KIF21B: variants seen among roughly 807,000 people sequenced by gnomAD.
KIF21B encodes kinesin family member 21B, also known as kinesin-like protein KIF21B.
Under a neutral mutation model 192.9 loss-of-function variants are expected in KIF21B, and 85 were observed. The ratio of observed to expected loss-of-function variants is 0.44; its 90% CI spans 0.37 to 0.53. The LOEUF is 0.53. Ranked by LOEUF, KIF21B falls within the 20% of genes least tolerant of loss-of-function variation. KIF21B has a pLI of 0.00. For missense variants in KIF21B, 1,716 were observed against 2,194.8 expected (o/e 0.78, Z 4.36); for synonymous variants, 832 against 884.6 (o/e 0.94, Z 1.05).
intron 32 of KIF21B, among the ~76,000 whole-genome samples, chr1:200,976,322 C>T (rs541525327): frequency 5.1e-4 from 77 of 152,284 alleles, no homozygotes; most frequent in African/African-American, 1.7e-3. Context: ...AAACTCCTGA[C>T]CTCAAGTGAT....
chr1:200,990,993 G>T lies in KIF21B; in HGVS notation c.2611C>A (p.Arg871Ser). 6.2e-7 allele frequency: 1 copy of T among 1,614,188 alleles called. No individual in the cohort carries two copies. The highest frequency in any genetic ancestry group is 8.5e-7 in the Non-Finnish European group (1 of 1,180,052). ...SGARSVSSIV[R>S]QWNRKINHFL... ...TGGTTGATTTTGCGGTTCCACTGGCGCACGATGCTGGAGACAGAGCGGGCC... is the reference window on the plus strand; with the variant it reads ...TGGTTGATTTTGCGGTTCCACTGGCTCACGATGCTGGAGACAGAGCGGGCC... The change falls in exon 18 of 35, where the codon CGC becomes AGC. Residue 871 changes from arginine (R) to serine (S), a missense_variant. Around this residue, in one of 3 missense-constraint regions of KIF21B, gnomAD observed 1,087 missense variants for 1,316.6 expected, o/e 0.83. Coordinates refer to ENST00000461742, the MANE Select transcript of KIF21B (RefSeq NM_001252102.2). This position sits in a 1 kb window ranked among gnomAD's most constrained non-coding sequence, Gnocchi z 5.4.
In KIF21B at chr1:200,987,030, G is replaced by A. The variant is rs983748414; in HGVS notation, c.3580C>T (p.Arg1194Cys). 6 of 1,614,044 alleles carry A rather than the reference G, an allele frequency of 3.7e-6. No individual in the cohort carries two copies. Among genetic ancestry groups the A allele is most frequent in the Non-Finnish European group, 3.4e-6 (4 of 1,180,008 alleles). Residue 1194 changes from arginine (R) to cysteine (C), a missense_variant, in exon 25 of 35, where the codon CGC becomes TGC. This residue lies in a region of KIF21B where 580 missense variants were observed against 775.5 expected (regional missense o/e 0.75). Coordinates refer to ENST00000461742, the MANE Select transcript of KIF21B (RefSeq NM_001252102.2). Reference protein sequence around the residue: ...RDPYYRDRVSRTVSLPTRGST... With the variant: ...RDPYYRDRVSCTVSLPTRGST... ...CCCCGGGTAGGCAGACTGACGGTGCGCGAGACCCTGTCCCGGTAATAGGGG... is the reference window on the plus strand; with the variant it reads ...CCCCGGGTAGGCAGACTGACGGTGCACGAGACCCTGTCCCGGTAATAGGGG...
In KIF21B at chr1:200,977,358, G is replaced by C; in HGVS notation, c.4179C>G (p.Ile1393Met). Reference sequence around the variant, plus strand: ...ATGTGGCGGCACAGGCATCCCCTGAGATCACCTGGCCCGAGGACCTGCCCA... The same window carrying C: ...ATGTGGCGGCACAGGCATCCCCTGACATCACCTGGCCCGAGGACCTGCCCA... ...IRTLTSSGQV[I>M]SGDACAATST... The change falls in exon 31 of 35, where the codon ATC (isoleucine) becomes ATG (methionine). Residue 1393 changes from isoleucine to methionine, a missense_variant. This residue lies in a region of KIF21B where 580 missense variants were observed against 775.5 expected (regional missense o/e 0.75). Transcript: ENST00000461742. 1 of 1,614,200 alleles carries C rather than the reference G, an allele frequency of 6.2e-7. No homozygotes were observed. The highest frequency in any genetic ancestry group is 8.5e-7 in the Non-Finnish European group (1 of 1,179,992).
In KIF21B at chr1:200,988,906, G is replaced by A. The variant is rs775071133; in HGVS notation, c.3158C>T (p.Ala1053Val). 6.2e-7 allele frequency: 1 copy of A among 1,611,972 alleles called. No individual in the cohort carries two copies. Among genetic ancestry groups the A allele is most frequent in the Non-Finnish European group, 8.5e-7 (1 of 1,179,166 alleles). Reference protein sequence around the residue: ...DKGLQVAQKEAQIRLLEGRLR... With the variant: ...DKGLQVAQKEVQIRLLEGRLR... ...TCGGCCCTCCAACAGCCGGATCTGGGCTTCCTTTTGTGCCACTTGCAGCCC... is the reference window on the plus strand; with the variant it reads ...TCGGCCCTCCAACAGCCGGATCTGGACTTCCTTTTGTGCCACTTGCAGCCC... Residue 1053 changes from alanine (A) to valine (V), a missense_variant, in exon 22 of 35, where the codon GCC (alanine) becomes GTC (valine). Physicochemically the swap from Ala to Val is moderately conservative, Grantham distance 64. Around this residue, in one of 3 missense-constraint regions of KIF21B, gnomAD observed 49 missense variants for 102.6 expected, o/e 0.48. Coordinates refer to ENST00000461742, the MANE Select transcript of KIF21B (RefSeq NM_001252102.2).
At chr1:201,021,837 G>A (rs1299582491) in intron 1 of KIF21B, among the ~76,000 whole-genome samples, 2 of 152,184 alleles carry the variant, frequency 1.3e-5, no homozygotes, top group Middle Eastern at 3.4e-3. Context: ...TGGTGTTCTC[G>A]GACTCTCCCA....
chr1:200,996,105 G>A, intron 15 of KIF21B, 91 bp downstream of exon 15: 1 of 1,278,116 alleles, frequency 7.8e-7, no homozygotes, highest in East Asian at 2.3e-5. Flanking sequence ...ATCCACACTT[G>A]ACAGCAATGA....
At chr1:201,011,417 AG>A (rs1349630089) in intron 1 of KIF21B, among the ~76,000 whole-genome samples, 11 of 152,264 alleles carry the variant, frequency 7.2e-5, no homozygotes, top group Non-Finnish European at 1.6e-4. Context: ...CCAGAGTCAC[AG>A]GTCACAGACA....
At position 200,973,233 on chromosome 1, in the gene KIF21B, A is replaced by C; in HGVS notation, c.*288T>G. 2 of 360,250 alleles carry C rather than the reference A, an allele frequency of 5.6e-6. No individual in the cohort carries two copies. The highest frequency in any genetic ancestry group is 4.9e-6 in the Non-Finnish European group (1 of 204,036). 22.3% of individuals were successfully genotyped at this position (360,250 alleles called of 1,614,324 possible). On this transcript the variant is annotated 3_prime_UTR_variant, in exon 35 of 35. Coordinates refer to ENST00000461742, the MANE Select transcript of KIF21B (RefSeq NM_001252102.2). ...GGGCAGAGCCGGTTCAGCAGGAGAC[A>C]ATGTGGCCACGACTGCCAGGAGGGG...
In KIF21B at chr1:200,986,927, G is replaced by A. The variant is rs754540494; in HGVS notation, c.3615-9C>T. On this transcript the variant is annotated splice_polypyrimidine_tract_variant and intron_variant, in intron 25 of 34. Transcript: ENST00000461742. ...CTCGAGATTGCCTAGGGCTACAACA[G>A]AAGAGTCCAGTGAGGCCCAGACCCA... 6.2e-7 allele frequency: 1 copy of A among 1,613,570 alleles called. No individual in the cohort carries two copies. The highest frequency in any genetic ancestry group is 2.2e-5 in the East Asian group (1 of 44,866).
chr1:200,999,364 C>T lies in KIF21B; in HGVS notation c.1870G>A (p.Asp624Asn), dbSNP rs1558015501. 6.2e-7 allele frequency: 1 copy of T among 1,614,158 alleles called. No individual in the cohort carries two copies. The highest frequency in any genetic ancestry group is 8.5e-7 in the Non-Finnish European group (1 of 1,180,022). ...GCCCACGCACCCTTCTCCTCGGGGT[C>T]TGAGTCTGAGTCCACCAGGCTCTCT... ...SEESLVDSDSDPEEKEVNFQA... is the reference protein window; with the variant it reads ...SEESLVDSDSNPEEKEVNFQA... Residue 624 changes from aspartate (D) to asparagine (N), a missense_variant, in exon 13 of 35, where the codon GAC becomes AAC. Asp to Asn is a conservative substitution (Grantham distance 23). Transcript: ENST00000461742. The surrounding 1 kb of genome is among the most constrained non-coding windows in gnomAD (Gnocchi z 4.7).
At chr1:201,019,119 G>A (rs1404267381) in intron 1 of KIF21B, among the ~76,000 whole-genome samples, 1 of 152,146 alleles carries the variant, frequency 6.6e-6, no homozygotes, top group African/African-American at 2.4e-5. Context: ...ATTTTTAGTA[G>A]AGATGGAGCT....
At chr1:201,007,487 C>T (rs1442176412) in intron 3 of KIF21B, among the ~76,000 whole-genome samples, 1 of 151,368 alleles carries the variant, frequency 6.6e-6, no homozygotes, top group Non-Finnish European at 1.5e-5. Flanking sequence ...CACATAGACA[C>T]ACACACAGAG....
chr1:200,983,467 C>T (rs1342668844), intron 27 of KIF21B, among the ~76,000 whole-genome samples: 1 of 152,194 alleles, frequency 6.6e-6, no homozygotes, highest in Non-Finnish European at 1.5e-5. Flanking sequence ...CCCACCCCAG[C>T]AATGCTCATA....
intron 1 of KIF21B, among the ~76,000 whole-genome samples, chr1:201,021,425 A>G (rs1658819966): frequency 6.6e-6 from 1 of 152,138 alleles, no homozygotes; most frequent in Admixed American, 6.5e-5. Context: ...CCCAATCCAG[A>G]TCAGCAACTG....
At chr1:200,979,995 G>A (rs1384404282) in intron 29 of KIF21B, among the ~76,000 whole-genome samples, 10 of 152,208 alleles carry the variant, frequency 6.6e-5, no homozygotes, top group Admixed American at 5.9e-4. Context: ...GAGCCATACT[G>A]CTAAGGTGTC....
At chr1:200,993,843 T>C (rs1381319779) in intron 15 of KIF21B, among the ~76,000 whole-genome samples, 1 of 150,896 alleles carries the variant, frequency 6.6e-6, no homozygotes, top group Non-Finnish European at 1.5e-5. Context: ...GGTCAGCTTC[T>C]TTCTGGGAGG....
rs1476058834 is a variant in KIF21B at position 201,002,247 on chromosome 1, T to G, written c.1316A>C (p.Lys439Thr). ...GGCATCGATGGCCTCCTGCATGGCT[T>G]TCACCCGCAGCCGCAGGGCCCCATT... is the stretch of plus-strand genomic sequence containing the variant. ...KENGALRLRV[K>T]AMQEAIDAIN... The change falls in exon 9 of 35, where the codon AAA (lysine) becomes ACA (threonine). Residue 439 changes from lysine (K) to threonine (T), a missense_variant. Physicochemically the swap from Lys to Thr is moderately conservative, Grantham distance 78. Coordinates refer to ENST00000461742, the MANE Select transcript of KIF21B (RefSeq NM_001252102.2). 3.3e-5 allele frequency: 54 copies of G among 1,614,074 alleles called. No homozygotes were observed. The highest frequency in any genetic ancestry group is 4.5e-5 in the Non-Finnish European group (53 of 1,180,034).
At chr1:201,004,702 G>T in intron 6 of KIF21B, 64 bp downstream of exon 6, 1 of 1,590,398 alleles carries the variant, frequency 6.3e-7, no homozygotes, top group Non-Finnish European at 8.6e-7. Flanking sequence ...GGACTGCAGG[G>T]CCTTGGAGGG....
rs1655501853 is a variant in KIF21B, at chr1:200,975,673, T to A, written c.4444-4A>T. The stretch of plus-strand genomic sequence containing the variant: ...CACACTCGCCCAGCTCGAACATCTG[T>A]GGGAGGAGGGGCCAGTAGGGAGAGG... On this transcript the variant is annotated splice_polypyrimidine_tract_variant and splice_region_variant and intron_variant, in intron 32 of 34. Transcript: ENST00000461742. The surrounding 1 kb of genome is among the most constrained non-coding windows in gnomAD (Gnocchi z 4.3). 1 of 1,604,898 alleles carries A rather than the reference T, an allele frequency of 6.2e-7. No individual in the cohort carries two copies. The highest frequency in any genetic ancestry group is 1.3e-5 in the African/African-American group (1 of 74,792).
Sources: gnomAD v4.1 joint callset for allele counts (sites outside exome capture counted in the v4.1 genomes callset) on GRCh38, gnomAD v4.1.1 for gene constraint, gnomAD v4.1.1 regional missense constraint, Gnocchi (gnomAD v3.1) non-coding constraint, MANE v1.5 for transcripts, NCBI Gene and HGNC (gene_info 2026-07-23, HGNC 2026-07-21) for gene names.